EMC2: variants seen among roughly 807,000 people sequenced by gnomAD.
The protein encoded by EMC2 is ER membrane protein complex subunit 2.
In EMC2, 37 loss-of-function variants were observed where a neutral mutation model predicts 51.6. The observed-to-expected ratio is 0.72, with a 90% CI of 0.55 to 0.94. The LOEUF is 0.94. Among genes scored for constraint, EMC2 ranks in the 40% least tolerant of loss-of-function variants. The pLI is 0.00. For synonymous variants in EMC2, 131 were observed against 112.4 expected (o/e 1.17, Z -1.04); for missense variants, 359 against 350.9 (o/e 1.02, Z -0.18).
chr8:108,486,958 A>T lies in EMC2; in HGVS notation c.*360A>T. On this transcript the variant is annotated 3_prime_UTR_variant, in exon 11 of 11. Transcript: ENST00000220853. ...CTTCATTTTGTTATACTCACAGTGG[A>T]TATATTGTTTAAGAACTCAGTTTCT... The T allele has an allele frequency of 6.3e-6, 1 of 158,850 alleles. No individual in the cohort carries two copies. Among genetic ancestry groups the T allele is most frequent in the Admixed American group, 6.5e-5 (1 of 15,472 alleles). The allele number at this position is 158,850 out of a possible 1,614,324, so 9.8% of individuals were successfully genotyped here.
intron 4 of EMC2, among the ~76,000 whole-genome samples, chr8:108,454,418 A>G (rs1227956266): frequency 1.3e-5 from 2 of 152,028 alleles, no homozygotes; most frequent in Non-Finnish European, 2.9e-5. Context: ...TGCAATATAT[A>G]TTTAGAACTA....
chr8:108,445,381 C>T (rs562886366), intron 1 of EMC2, among the ~76,000 whole-genome samples: 1 of 152,174 alleles, frequency 6.6e-6, no homozygotes. Flanking sequence ...TGTGAGCTGC[C>T]TATGCTGGCC....
At chr8:108,448,333 A>G (rs955595291) in intron 1 of EMC2, among the ~76,000 whole-genome samples, 3 of 152,190 alleles carry the variant, frequency 2.0e-5, no homozygotes, top group African/African-American at 7.2e-5. Context: ...TGTTCTTTCC[A>G]GTATACTATA....
chr8:108,447,985 T>C (rs1818919933), intron 1 of EMC2, among the ~76,000 whole-genome samples: 1 of 152,032 alleles, frequency 6.6e-6, no homozygotes, highest in South Asian at 2.1e-4. Flanking sequence ...TAAAATGCTT[T>C]ACACGAATTT....
intron 5 of EMC2, among the ~76,000 whole-genome samples, chr8:108,456,273 C>T (rs1156867558): frequency 1.5e-5 from 2 of 129,520 alleles, no homozygotes; most frequent in African/African-American, 6.1e-5. Context: ...GCAGAGGTTG[C>T]AGTGAGCTGA....
intron 4 of EMC2, among the ~76,000 whole-genome samples, chr8:108,454,689 A>G (rs1819111012): frequency 6.6e-6 from 1 of 152,050 alleles, no homozygotes; most frequent in African/African-American, 2.4e-5. Flanking sequence ...TATATATTAG[A>G]ACCTTCCAAA....
chr8:108,455,655 A>G (rs1317194848), intron 4 of EMC2, among the ~76,000 whole-genome samples: 1 of 152,172 alleles, frequency 6.6e-6, no homozygotes, highest in Non-Finnish European at 1.5e-5. Context: ...TAAGTACTAT[A>G]TACATGATTT....
chr8:108,485,645 GA>G (rs1811125869), intron 10 of EMC2, among the ~76,000 whole-genome samples: 1 of 148,316 alleles, frequency 6.7e-6, no homozygotes, highest in East Asian at 2.0e-4. Flanking sequence ...TTTTAAATCA[GA>G]CTGATAAATG....
intron 10 of EMC2, among the ~76,000 whole-genome samples, chr8:108,485,851 C>T (rs1228167519): frequency 6.6e-6 from 1 of 151,222 alleles, no homozygotes; most frequent in South Asian, 2.1e-4. Flanking sequence ...AATCCAATCC[C>T]AATTAGTTTT....
chr8:108,465,534 T>C (rs570789204), intron 5 of EMC2, among the ~76,000 whole-genome samples: 2 of 152,346 alleles, frequency 1.3e-5, no homozygotes, highest in South Asian at 2.1e-4. Flanking sequence ...ATCTATGTTG[T>C]TGGCCAGTTG....
intron 1 of EMC2, among the ~76,000 whole-genome samples, chr8:108,444,670 C>G (rs1183196641): frequency 2.6e-5 from 4 of 151,986 alleles, no homozygotes; most frequent in Non-Finnish European, 4.4e-5. Context: ...GTTGTAAATC[C>G]GTTACAAATA....
chr8:108,488,906 G>A lies in EMC2; in HGVS notation c.*2308G>A, dbSNP rs1811191242. On this transcript the variant is annotated 3_prime_UTR_variant, in exon 11 of 11. Transcript: ENST00000220853. ...TGAATGAAATGAACAGAACCCTACTGAGAAGGGCTTTCCTTTCAAATTAAA... is the reference window on the plus strand; with the variant it reads ...TGAATGAAATGAACAGAACCCTACTAAGAAGGGCTTTCCTTTCAAATTAAA... Among the ~76,000 whole-genome samples the A allele has an allele frequency of 6.6e-6, 1 of 152,192 alleles. No individual in the cohort carries two copies. Among genetic ancestry groups the A allele is most frequent in the Non-Finnish European group, 1.5e-5 (1 of 68,042 alleles).
intron 10 of EMC2, among the ~76,000 whole-genome samples, chr8:108,482,674 A>C (rs956826545): frequency 6.6e-6 from 1 of 151,932 alleles, no homozygotes; most frequent in Non-Finnish European, 1.5e-5. Context: ...ACCCTCAACC[A>C]CCCAGGTTGA....
chr8:108,482,059 G>A (rs1307603806), intron 10 of EMC2, among the ~76,000 whole-genome samples: 1 of 152,134 alleles, frequency 6.6e-6, no homozygotes, highest in Admixed American at 6.6e-5. Flanking sequence ...GTCATAGAAT[G>A]TATGTATATT....
chr8:108,453,393 T>G (rs1471381088), intron 4 of EMC2, among the ~76,000 whole-genome samples: 1 of 152,214 alleles, frequency 6.6e-6, no homozygotes. Flanking sequence ...TTTACCTTTT[T>G]TACTGCTGAT....
intron 4 of EMC2, among the ~76,000 whole-genome samples, chr8:108,454,318 A>C (rs1819101527): frequency 6.6e-6 from 1 of 151,938 alleles, no homozygotes; most frequent in African/African-American, 2.4e-5. Context: ...TCTCTGATTT[A>C]ATTGAGCATT....
At chr8:108,450,374 T>G in intron 2 of EMC2, 54 bp from the exon 3 acceptor site, 1 of 968,186 alleles carries the variant, frequency 1.0e-6, no homozygotes, top group Non-Finnish European at 1.7e-6. Context: ...TAATTTCCAT[T>G]TGGGTTTGTT....
intron 9 of EMC2, among the ~76,000 whole-genome samples, chr8:108,477,152 CAGAT>C (rs950767074): frequency 1.3e-5 from 2 of 151,770 alleles, no homozygotes; most frequent in Non-Finnish European, 2.9e-5. Flanking sequence ...TAAATAGTGA[CAGAT>C]AGGAAGAAAA....
chr8:108,472,949 A>G (rs1485196252), intron 7 of EMC2, among the ~76,000 whole-genome samples: 1 of 151,932 alleles, frequency 6.6e-6, no homozygotes, highest in Non-Finnish European at 1.5e-5. Flanking sequence ...CCTGGGCTAA[A>G]GTACTCTTCC....
Sources: gnomAD v4.1 joint callset for allele counts (sites outside exome capture counted in the v4.1 genomes callset) on GRCh38, gnomAD v4.1.1 for gene constraint, MANE v1.5 for transcripts, NCBI Gene and HGNC (gene_info 2026-07-23, HGNC 2026-07-21) for gene names.